Variants in RPS6KC1 observed in about 807,000 individuals in gnomAD.
The protein encoded by RPS6KC1 is inactive ribosomal protein S6 kinase delta-1.
A neutral mutation model predicts 103.8 loss-of-function variants in RPS6KC1; 54 were observed. The observed-to-expected ratio is 0.52, with a 90% CI of 0.42 to 0.65. RPS6KC1 has a LOEUF of 0.65. Among genes scored for constraint, RPS6KC1 ranks in the 30% least tolerant of loss-of-function variants. The pLI is 0.00. For synonymous variants in RPS6KC1, 439 were observed against 438.7 expected (o/e 1.00, Z -0.01); for missense variants, 1,151 against 1,253.8 (o/e 0.92, Z 1.24).
chr1:213,784,549 C>G, the RPS6KC1 span, among the ~76,000 whole-genome samples: 1 of 152,088 alleles, frequency 6.6e-6, no homozygotes, highest in Non-Finnish European at 1.5e-5. Context: ...TAAGATGAAC[C>G]CTTACAGATG....
chr1:213,491,317 G>A, the RPS6KC1 span, among the ~76,000 whole-genome samples: 2 of 152,278 alleles, frequency 1.3e-5, no homozygotes, highest in East Asian at 3.9e-4. Flanking sequence ...GGAGGTTGAG[G>A]TGGGTGGATC....
At chr1:213,279,831 C>G in the RPS6KC1 span, among the ~76,000 whole-genome samples, 1 of 152,192 alleles carries the variant, frequency 6.6e-6, no homozygotes, top group Admixed American at 6.5e-5. Context: ...CCCAGGTCAT[C>G]AACGTTAGGA....
chr1:213,536,033 C>T, the RPS6KC1 span, among the ~76,000 whole-genome samples: 10 of 152,008 alleles, frequency 6.6e-5, no homozygotes, highest in African/African-American at 2.4e-4. Flanking sequence ...GTGTTCCCTT[C>T]ACTTGTCAAA....
the RPS6KC1 span, among the ~76,000 whole-genome samples, chr1:213,366,525 A>G: frequency 6.6e-6 from 1 of 152,264 alleles, no homozygotes; most frequent in African/African-American, 2.4e-5. Context: ...TGGGCCACAC[A>G]GTCTCCATCA....
chr1:213,187,241 C>G (rs1027679891), intron 8 of RPS6KC1, among the ~76,000 whole-genome samples: 1 of 148,324 alleles, frequency 6.7e-6, no homozygotes, highest in South Asian at 2.2e-4. Context: ...AAATTTTTTT[C>G]TTCTTCTTCT....
intron 4 of RPS6KC1, among the ~76,000 whole-genome samples, chr1:213,110,170 C>T (rs777134471): frequency 7.9e-5 from 12 of 152,026 alleles, no homozygotes; most frequent in Admixed American, 3.9e-4. Flanking sequence ...TTAATAGCTG[C>T]TTTGAAGTTT....
chr1:213,122,544 C>G (rs1200727048), intron 5 of RPS6KC1, among the ~76,000 whole-genome samples: 4 of 151,988 alleles, frequency 2.6e-5, no homozygotes, highest in Admixed American at 6.6e-5. Flanking sequence ...AGTCTATTTA[C>G]TACATAATAT....
At chr1:213,835,383 G>A in the RPS6KC1 span, among the ~76,000 whole-genome samples, 16,068 of 152,168 alleles carry the variant, frequency 0.11, 1,056 homozygotes, top group East Asian at 0.26. Context: ...GATGTCTTAG[G>A]TAGGGAAGAG....
At chr1:213,786,467 A>G in the RPS6KC1 span, among the ~76,000 whole-genome samples, 4 of 152,224 alleles carry the variant, frequency 2.6e-5, no homozygotes, top group Admixed American at 2.6e-4. Flanking sequence ...TCTGACTAGA[A>G]CTCAGAAAGT....
the RPS6KC1 span, among the ~76,000 whole-genome samples, chr1:213,484,205 C>A: frequency 6.6e-6 from 1 of 152,324 alleles, no homozygotes; most frequent in East Asian, 1.9e-4. Flanking sequence ...TCTATCACTG[C>A]ATAACCAGTT....
intron 3 of RPS6KC1, among the ~76,000 whole-genome samples, chr1:213,086,922 A>G (rs1402333393): frequency 2.0e-5 from 3 of 152,146 alleles, no homozygotes; most frequent in African/African-American, 7.2e-5. Context: ...TCAATTATAT[A>G]TTTAGTTCTC....
chr1:213,109,373 A>G (rs1441010197), intron 4 of RPS6KC1, among the ~76,000 whole-genome samples: 2 of 151,406 alleles, frequency 1.3e-5, no homozygotes, highest in African/African-American at 2.4e-5. Context: ...TCCTGACCTC[A>G]TGATCCACCT....
chr1:213,692,753 C>G, the RPS6KC1 span, among the ~76,000 whole-genome samples: 1 of 152,332 alleles, frequency 6.6e-6, no homozygotes, highest in Non-Finnish European at 1.5e-5. Flanking sequence ...AGCCTACTCA[C>G]CCAGCTCCTC....
chr1:213,484,590 T>A, the RPS6KC1 span, among the ~76,000 whole-genome samples: 8 of 152,324 alleles, frequency 5.3e-5, no homozygotes, highest in East Asian at 1.5e-3. Context: ...ACCAGATACG[T>A]TATACTCTAT....
the RPS6KC1 span, among the ~76,000 whole-genome samples, chr1:213,622,265 G>A: frequency 2.2e-5 from 3 of 137,138 alleles, no homozygotes; most frequent in Admixed American, 7.7e-5. Context: ...TCTGAAGTTT[G>A]TGCAGCACCC....
chr1:213,504,138 T>C, the RPS6KC1 span, among the ~76,000 whole-genome samples: 1 of 152,198 alleles, frequency 6.6e-6, no homozygotes, highest in African/African-American at 2.4e-5. Flanking sequence ...ATTATGATAA[T>C]TTCTTTTAAT....
chr1:213,842,978 T>C, the RPS6KC1 span, among the ~76,000 whole-genome samples: 1 of 152,142 alleles, frequency 6.6e-6, no homozygotes, highest in Non-Finnish European at 1.5e-5. Flanking sequence ...TTTTAAGGAA[T>C]GGGTTTACAT....
At chr1:213,225,428 C>G (rs2093936209) in intron 8 of RPS6KC1, among the ~76,000 whole-genome samples, 1 of 151,966 alleles carries the variant, frequency 6.6e-6, no homozygotes, top group African/African-American at 2.4e-5. Flanking sequence ...CTCACTCTTG[C>G]TCAGGCTGGA....
chr1:213,736,221 T>C, the RPS6KC1 span, among the ~76,000 whole-genome samples: 1 of 152,202 alleles, frequency 6.6e-6, no homozygotes, highest in African/African-American at 2.4e-5. Flanking sequence ...CATGGGTCAG[T>C]AGTCCAGGCA....
Sources: allele counts gnomAD v4.1 joint callset (sites outside exome capture counted in the v4.1 genomes callset), GRCh38; gene constraint gnomAD v4.1.1; transcripts MANE v1.5; gene names NCBI Gene and HGNC (gene_info 2026-07-23, HGNC 2026-07-21).